Variants in DIP2C observed in about 807,000 individuals in gnomAD.
The protein encoded by DIP2C is disco-interacting protein 2 homolog C.
DIP2C carries 33 observed loss-of-function variants against 192.4 expected under a neutral mutation model. That is an observed-to-expected ratio of 0.17 (90% confidence interval 0.13 to 0.23). The LOEUF (loss-of-function observed/expected upper bound fraction) is 0.23, where lower values mean the gene tolerates loss of function less well. Ranked by LOEUF, DIP2C falls within the 10% of genes least tolerant of loss-of-function variation. The probability of loss-of-function intolerance (pLI) is 1.00; values close to 1 mark genes in which losing one functional copy is unlikely to be tolerated. For synonymous variants in DIP2C, 979 were observed against 864.1 expected (o/e 1.13, Z -2.33); for missense variants, 1,537 against 2,110.1 (o/e 0.73, Z 5.32).
intron 1 of DIP2C, among the ~76,000 whole-genome samples, chr10:492,887 G>A (rs1332970699): frequency 6.6e-6 from 1 of 152,208 alleles, no homozygotes; most frequent in Non-Finnish European, 1.5e-5. Flanking sequence ...ATCAACAGAA[G>A]TTCACACCAC....
Position 623,256 on chromosome 10 carries a change from C to T in DIP2C, c.85+66238G>A, listed in dbSNP as rs566878454. On this transcript the variant is annotated intron_variant, in intron 1 of 36. Coordinates refer to ENST00000280886, the MANE Select transcript of DIP2C (RefSeq NM_014974.3). ...GGGCTGGCGAGGGAGGTCACAGGAA[C>T]GGGCGCAGGCATCTCCCTCCAGCCG... Among the ~76,000 whole-genome samples the T allele has an allele frequency of 4.8e-5, 7 of 146,610 alleles. No individual in the cohort carries two copies. In the South Asian group the frequency reaches 6.6e-4, roughly 14 times the overall value.
At chr10:413,793 G>A (rs1965346191) in intron 8 of DIP2C, 120 bp downstream of exon 8, 11 of 1,294,146 alleles carry the variant, frequency 8.5e-6, no homozygotes, top group Middle Eastern at 2.7e-4. Context: ...TGGGCAAAGG[G>A]CAGAGGGTTA....
At chr10:541,227 G>T (rs571709766) in intron 1 of DIP2C, among the ~76,000 whole-genome samples, 1 of 152,116 alleles carries the variant, frequency 6.6e-6, no homozygotes, top group African/African-American at 2.4e-5. Flanking sequence ...GGCCACCACC[G>T]CCGACATCCA....
intron 1 of DIP2C, among the ~76,000 whole-genome samples, chr10:599,547 G>T (rs1372449506): frequency 6.6e-6 from 1 of 152,176 alleles, no homozygotes; most frequent in Non-Finnish European, 1.5e-5. Flanking sequence ...TCACTCGTGG[G>T]TCAGTGAACG....
chr10:580,190 GTA>G (rs989738415), intron 1 of DIP2C, among the ~76,000 whole-genome samples: 1 of 151,814 alleles, frequency 6.6e-6, no homozygotes, highest in Non-Finnish European at 1.5e-5. Flanking sequence ...CATGCGTAGT[GTA>G]TACATATGCA....
chr10:542,186 C>T (rs11253082), intron 1 of DIP2C, among the ~76,000 whole-genome samples: 29,604 of 152,214 alleles, frequency 0.19, 4,703 homozygotes, highest in African/African-American at 0.44. Flanking sequence ...GGCTCACTCC[C>T]TCCTGAGCTC....
intron 1 of DIP2C, among the ~76,000 whole-genome samples, chr10:580,693 G>T (rs140226552): frequency 9.1e-4 from 139 of 152,230 alleles, no homozygotes; most frequent in African/African-American, 3.2e-3. Context: ...AACAGGCCAT[G>T]AATATTAACG....
chr10:420,975 T>A lies in DIP2C; in HGVS notation c.605-1776A>T, dbSNP rs1051163929. 3.9e-5 allele frequency among the ~76,000 whole-genome samples: 6 copies of A among 152,200 alleles called. No homozygotes were observed. In the South Asian group the frequency reaches 6.2e-4, roughly 16 times the overall value. On this transcript the variant is annotated intron_variant, in intron 5 of 36. Transcript: ENST00000280886. ...CACGATCACACACGCTACTTTCCTG[T>A]TTGTAGGCTTCTGATTATCTCACAA...
At chr10:572,454 A>C (rs534670475) in intron 1 of DIP2C, among the ~76,000 whole-genome samples, 1 of 152,342 alleles carries the variant, frequency 6.6e-6, no homozygotes, top group South Asian at 2.1e-4. Context: ...GGGTGAGTCT[A>C]ATGTTGATGA....
At chr10:483,498 C>T (rs1050159297) in intron 2 of DIP2C, among the ~76,000 whole-genome samples, 1 of 152,088 alleles carries the variant, frequency 6.6e-6, no homozygotes, top group South Asian at 2.1e-4. Context: ...GCCCTAGCAC[C>T]GCTGTCCGGA....
intron 3 of DIP2C, among the ~76,000 whole-genome samples, chr10:443,452 T>C (rs1019543602): frequency 6.6e-6 from 1 of 152,200 alleles, no homozygotes; most frequent in Non-Finnish European, 1.5e-5. Flanking sequence ...CCAGGGCTCC[T>C]GCTAGTGAAG....
At chr10:356,298 G>C (rs557902771) in intron 24 of DIP2C, 128 bp downstream of exon 24, 7 of 1,115,578 alleles carry the variant, frequency 6.3e-6, no homozygotes, top group African/African-American at 1.5e-5. Flanking sequence ...AGTCAAAATA[G>C]CAAAACATAA....
rs200146316 is a variant in DIP2C at position 363,207 on chromosome 10, C to T, written c.2582G>A (p.Arg861His). 38 of 1,613,356 alleles carry T rather than the reference C, an allele frequency of 2.4e-5. No homozygotes were observed. Among genetic ancestry groups the T allele is most frequent in the Admixed American group, 1.2e-4 (7 of 59,994 alleles). Residue 861 changes from arginine (R) to histidine (H), a missense_variant, in exon 21 of 37, where the codon CGT becomes CAT. Around this residue, in one of 4 missense-constraint regions of DIP2C, gnomAD observed 677 missense variants for 989.9 expected, o/e 0.68. Coordinates refer to ENST00000280886, the MANE Select transcript of DIP2C (RefSeq NM_014974.3). This position sits in a 1 kb window ranked among gnomAD's most constrained non-coding sequence, Gnocchi z 5.4. ...GCGAGGGAGGGCAACCTGCAGCACA[C>T]GGCTCATCCACTGGAAACTGTCCTC... ...TEEDSFQWMS[R>H]VLQAIDSIHQ...
At chr10:384,255 C>G (rs1457483046) in intron 15 of DIP2C, 109 bp from the exon 16 acceptor site, 2 of 1,284,072 alleles carry the variant, frequency 1.6e-6, no homozygotes, top group East Asian at 2.5e-5. Context: ...TCACTGGTCA[C>G]CCAGCCCCCA....
intron 1 of DIP2C, among the ~76,000 whole-genome samples, chr10:544,198 T>C (rs145308769): frequency 3.3e-5 from 5 of 151,780 alleles, no homozygotes; most frequent in African/African-American, 1.2e-4. Context: ...GTGAGTGGAA[T>C]TGCACAGTGC....
chr10:398,356 T>C (rs1964154836), intron 10 of DIP2C, among the ~76,000 whole-genome samples: 1 of 152,084 alleles, frequency 6.6e-6, no homozygotes, highest in African/African-American at 2.4e-5. Flanking sequence ...ATAAACTCTT[T>C]CAACCAACTG....
At chr10:336,893 CAGG>C (rs1272242504) in intron 29 of DIP2C, among the ~76,000 whole-genome samples, 48 of 54,732 alleles carry the variant, frequency 8.8e-4, no homozygotes, top group Non-Finnish European at 1.2e-3. Context: ...GAGGCCTAGG[CAGG>C]TGTGTGTGTG....
intron 36 of DIP2C, among the ~76,000 whole-genome samples, chr10:277,910 A>G (rs1400422653): frequency 6.6e-6 from 1 of 152,168 alleles, no homozygotes; most frequent in Non-Finnish European, 1.5e-5. Flanking sequence ...TGCTGCCTGG[A>G]GGACCAATGC....
intron 1 of DIP2C, among the ~76,000 whole-genome samples, chr10:548,963 A>G (rs1194944552): frequency 6.7e-6 from 1 of 148,574 alleles, no homozygotes; most frequent in African/African-American, 2.5e-5. Flanking sequence ...AATTCATTTA[A>G]GATCAGAAAT....
Sources: gnomAD v4.1 joint callset for allele counts (sites outside exome capture counted in the v4.1 genomes callset) on GRCh38, gnomAD v4.1.1 for gene constraint, gnomAD v4.1.1 regional missense constraint, Gnocchi (gnomAD v3.1) non-coding constraint, MANE v1.5 for transcripts, NCBI Gene and HGNC (gene_info 2026-07-23, HGNC 2026-07-21) for gene names.